Variants in SLC36A1 observed in about 807,000 individuals in gnomAD.
The protein encoded by SLC36A1 is proton-coupled amino acid transporter 1.
Under a neutral mutation model 47.5 loss-of-function variants are expected in SLC36A1, and 30 were observed. The ratio of observed to expected loss-of-function variants is 0.63; its 90% confidence interval spans 0.47 to 0.86. SLC36A1 has a LOEUF of 0.86. Ranked by LOEUF, SLC36A1 falls within the 40% of genes least tolerant of loss-of-function variation. The pLI is 0.00. For missense variants in SLC36A1, 517 were observed against 606.0 expected (o/e 0.85, Z 1.54); for synonymous variants, 255 against 249.7 (o/e 1.02, Z -0.20).
chr5:151,368,754 G>T, the SLC36A1 span, among the ~76,000 whole-genome samples: 1 of 152,144 alleles, frequency 6.6e-6, no homozygotes, highest in Admixed American at 6.5e-5. Flanking sequence ...TCCTAAGAGT[G>T]TGACTAATGA....
chr5:151,471,838 G>C (rs1020407861), intron 7 of SLC36A1, among the ~76,000 whole-genome samples: 2 of 152,128 alleles, frequency 1.3e-5, no homozygotes, highest in African/African-American at 4.8e-5. Context: ...AGCATGCCCC[G>C]TATTATCCAA....
At chr5:151,390,569 G>C in the SLC36A1 span, among the ~76,000 whole-genome samples, 1 of 152,144 alleles carries the variant, frequency 6.6e-6, no homozygotes, top group Non-Finnish European at 1.5e-5. Context: ...AGTCCATCTT[G>C]AATTAATTTT....
At chr5:151,546,403 A>T in the SLC36A1 span, 2 of 1,255,418 alleles carry the variant, frequency 1.6e-6, no homozygotes, top group Non-Finnish European at 2.2e-6. Flanking sequence ...GGCTTTCTAG[A>T]TCAGTAAAGG....
At chr5:151,524,337 G>A in the SLC36A1 span, among the ~76,000 whole-genome samples, 1 of 152,142 alleles carries the variant, frequency 6.6e-6, no homozygotes, top group Non-Finnish European at 1.5e-5. Context: ...CTCTATGTTT[G>A]TGTCCCCTCA....
chr5:151,529,325 G>GT, the SLC36A1 span: 1 of 1,614,140 alleles, frequency 6.2e-7, no homozygotes, highest in Non-Finnish European at 8.5e-7. Flanking sequence ...TCTTCCGGCT[G>GT]CACTCAATGG....
chr5:151,353,925 CATTCTT>C, the SLC36A1 span, among the ~76,000 whole-genome samples: 13 of 152,248 alleles, frequency 8.5e-5, no homozygotes, highest in South Asian at 2.7e-3. Flanking sequence ...AATAATATTC[CATTCTT>C]TGAATTTACC....
the SLC36A1 span, chr5:151,549,566 G>C: frequency 6.8e-7 from 1 of 1,473,778 alleles, no homozygotes; most frequent in South Asian, 1.2e-5. Context: ...GGCAGGGTTA[G>C]GGTAAGGTTA....
intron 7 of SLC36A1, among the ~76,000 whole-genome samples, chr5:151,468,434 G>A (rs187180): frequency 0.38 from 54,941 of 143,628 alleles, 10,630 homozygotes; most frequent in East Asian, 0.5. Flanking sequence ...TTTATATATT[G>A]TGTATATATA....
chr5:151,362,920 T>A, the SLC36A1 span, among the ~76,000 whole-genome samples: 1 of 152,236 alleles, frequency 6.6e-6, no homozygotes, highest in Non-Finnish European at 1.5e-5. Flanking sequence ...ATCACAGTCT[T>A]GCTAGGATCA....
chr5:151,531,494 C>G, the SLC36A1 span: 6 of 1,523,028 alleles, frequency 3.9e-6, no homozygotes, highest in Non-Finnish European at 5.3e-6. The surrounding 1 kb of genome is among the most constrained non-coding windows in gnomAD (Gnocchi z 5.7). Flanking sequence ...CTGGGAGGCG[C>G]TGCACAGGGT....
At chr5:151,532,210 G>T in the SLC36A1 span, among the ~76,000 whole-genome samples, 1 of 152,184 alleles carries the variant, frequency 6.6e-6, no homozygotes, top group Non-Finnish European at 1.5e-5. Context: ...CAAACTATCC[G>T]AAAATATTAT....
the SLC36A1 span, among the ~76,000 whole-genome samples, chr5:151,418,791 A>T: frequency 2.6e-5 from 4 of 152,156 alleles, no homozygotes; most frequent in African/African-American, 9.7e-5. Context: ...TTGGTTTTGA[A>T]ATGTGAAAGG....
At chr5:151,374,909 GTTT>G in the SLC36A1 span, among the ~76,000 whole-genome samples, 1 of 142,532 alleles carries the variant, frequency 7.0e-6, no homozygotes, top group Non-Finnish European at 1.5e-5. Flanking sequence ...TAATGTTGGG[GTTT>G]TTTTTTTTTT....
chr5:151,522,517 C>G, the SLC36A1 span, among the ~76,000 whole-genome samples: 4 of 152,208 alleles, frequency 2.6e-5, no homozygotes, highest in African/African-American at 9.7e-5. Flanking sequence ...TTGGGATTCC[C>G]TTTTGCTATG....
chr5:151,429,942 C>A, the SLC36A1 span, among the ~76,000 whole-genome samples: 1 of 152,098 alleles, frequency 6.6e-6, no homozygotes, highest in Non-Finnish European at 1.5e-5. Context: ...CAAGATTCAA[C>A]GATACTCATT....
At chr5:151,382,450 A>G in the SLC36A1 span, 271 of 575,186 alleles carry the variant, frequency 4.7e-4, 1 homozygote, top group African/African-American at 4.6e-3. Flanking sequence ...GTCTTCTAGC[A>G]TAGAAGCAAG....
chr5:151,457,939 C>A (rs10074670), intron 1 of SLC36A1, among the ~76,000 whole-genome samples: 55 of 150,952 alleles, frequency 3.6e-4, no homozygotes, highest in African/African-American at 1.3e-3. Context: ...ACCTCCGCCT[C>A]CCGGTTTCAA....
At chr5:151,539,165 CT>C in the SLC36A1 span, among the ~76,000 whole-genome samples, 1 of 152,168 alleles carries the variant, frequency 6.6e-6, no homozygotes, top group Admixed American at 6.5e-5. Flanking sequence ...AAAAGCCTCC[CT>C]TCTGAGACTA....
chr5:151,499,329 A>C, the SLC36A1 span, among the ~76,000 whole-genome samples: 1 of 152,174 alleles, frequency 6.6e-6, no homozygotes, highest in Admixed American at 6.5e-5. Flanking sequence ...TAGACACCGC[A>C]CCACAGGTGA....
Sources: gnomAD v4.1 joint callset for allele counts (sites outside exome capture counted in the v4.1 genomes callset) on GRCh38, gnomAD v4.1.1 for gene constraint, Gnocchi (gnomAD v3.1) non-coding constraint, MANE v1.5 for transcripts, NCBI Gene and HGNC (gene_info 2026-07-23, HGNC 2026-07-21) for gene names.